Variants in MED13L observed in about 807,000 individuals in gnomAD.
The protein encoded by MED13L is mediator complex subunit 13L, also known as mediator of RNA polymerase II transcription subunit 13-like.
MED13L carries 7 observed loss-of-function variants against 220.9 expected under a neutral mutation model. The ratio of observed to expected loss-of-function variants is 0.03; its 90% CI spans 0.02 to 0.06. MED13L has a LOEUF of 0.06. MED13L is among the 10% of genes least tolerant of loss of function. MED13L has a pLI of 1.00. For synonymous variants in MED13L, 1,011 were observed against 1,015.2 expected (o/e 1.00, Z 0.08); for missense variants, 1,965 against 2,760.5 (o/e 0.71, Z 6.46).
intron 1 of MED13L, among the ~76,000 whole-genome samples, chr12:116,256,810 A>G (rs2138540308): frequency 6.8e-6 from 1 of 146,420 alleles, no homozygotes; most frequent in East Asian, 2.1e-4. Flanking sequence ...CTCAGCCTCC[A>G]GAGTAGCTGG....
At chr12:116,275,292 G>A (rs1035450601) in intron 1 of MED13L, among the ~76,000 whole-genome samples, 1 of 152,078 alleles carries the variant, frequency 6.6e-6, no homozygotes, top group Non-Finnish European at 1.5e-5. Context: ...TGAGGCAAAA[G>A]GGGGTTTTAC....
At chr12:116,128,508 T>C (rs1434267826) in intron 2 of MED13L, among the ~76,000 whole-genome samples, 1 of 151,994 alleles carries the variant, frequency 6.6e-6, no homozygotes, top group African/African-American at 2.4e-5. Flanking sequence ...AAGTAGTTAC[T>C]GTCATGAAGT....
intron 4 of MED13L, among the ~76,000 whole-genome samples, chr12:116,052,057 T>A: frequency 6.7e-6 from 1 of 148,402 alleles, no homozygotes; most frequent in Non-Finnish European, 1.5e-5. Context: ...TTAATGTTTA[T>A]TATGTACTTA....
chr12:115,987,179 C>G lies in MED13L; in HGVS notation c.4044G>C (p.Glu1348Asp). Residue 1348 changes from glutamate (E) to aspartate (D), a missense_variant, in exon 18 of 31, where the codon GAG becomes GAC. Physicochemically the swap from Glu to Asp is conservative, Grantham distance 45 (BLOSUM62 2). This residue lies in a region of MED13L where 21 missense variants were observed against 73.9 expected (regional missense o/e 0.28). Transcript: ENST00000281928. The stretch of plus-strand genomic sequence containing the variant: ...GTGGTCCCTGCACATGCTGGATGTT[C>G]TCCCAGGTCCTGCCCGTGCGCTTCT... ...IQKKRTGRTW[E>D]NIQHVQGPLT... The G allele has an allele frequency of 6.2e-7, 1 of 1,614,178 alleles. No homozygotes were observed. Among genetic ancestry groups the G allele is most frequent in the Non-Finnish European group, 8.5e-7 (1 of 1,180,026 alleles).
chr12:116,198,893 T>G (rs1881823907), intron 2 of MED13L, among the ~76,000 whole-genome samples: 4 of 152,176 alleles, frequency 2.6e-5, no homozygotes. Flanking sequence ...CTAAGGAACC[T>G]AAGTCATTAA....
chr12:116,132,279 C>CAAA (rs1005783459), intron 2 of MED13L, among the ~76,000 whole-genome samples: 12 of 77,378 alleles, frequency 1.6e-4, no homozygotes, highest in South Asian at 4.1e-4. Flanking sequence ...TACTTCGTCT[C>CAAA]AAAAAAAAAA....
intron 4 of MED13L, among the ~76,000 whole-genome samples, chr12:116,095,891 C>T (rs534929732): frequency 6.6e-6 from 1 of 152,110 alleles, no homozygotes; most frequent in African/African-American, 2.4e-5. Context: ...TTTAAACACA[C>T]ACATATGATG....
chr12:116,037,984 A>C (rs768601268), intron 4 of MED13L, among the ~76,000 whole-genome samples: 15 of 152,214 alleles, frequency 9.9e-5, no homozygotes, highest in Non-Finnish European at 1.6e-4. Context: ...TATGAAAGTC[A>C]TCTTACTAAA....
At chr12:116,080,877 A>G (rs1171503609) in intron 4 of MED13L, among the ~76,000 whole-genome samples, 1 of 152,210 alleles carries the variant, frequency 6.6e-6, no homozygotes, top group Non-Finnish European at 1.5e-5. Flanking sequence ...GTACATAAAT[A>G]CTTATTATTT....
At chr12:116,076,687 C>A (rs1351316285) in intron 4 of MED13L, among the ~76,000 whole-genome samples, 2 of 152,180 alleles carry the variant, frequency 1.3e-5, no homozygotes, top group African/African-American at 4.8e-5. Context: ...CAAGTCTGAA[C>A]TAAGCCCTCA....
chr12:116,065,455 A>G lies in MED13L; in HGVS notation c.479+31214T>C, dbSNP rs7962782. Among the ~76,000 whole-genome samples, 1,064 of 152,334 alleles carry G rather than the reference A, an allele frequency of 7.0e-3. 14 individuals are homozygous for G. Among genetic ancestry groups the G allele is most frequent in the African/African-American group, 0.024 (999 of 41,564 alleles). Reference sequence around the variant, plus strand: ...CATAGTGTCATATTGATTTTTTACAATATGATCTGAAGATAATTTGAAGAA... The same window carrying G: ...CATAGTGTCATATTGATTTTTTACAGTATGATCTGAAGATAATTTGAAGAA... On this transcript the variant is annotated intron_variant, in intron 4 of 30. Transcript: ENST00000281928.
intron 2 of MED13L, among the ~76,000 whole-genome samples, chr12:116,132,752 T>G (rs1876185798): frequency 6.6e-6 from 1 of 152,052 alleles, no homozygotes; most frequent in Non-Finnish European, 1.5e-5. Flanking sequence ...AAACCCTGTC[T>G]CTACTAAAAA....
chr12:116,074,104 T>C (rs1183455257), intron 4 of MED13L, among the ~76,000 whole-genome samples: 1 of 152,228 alleles, frequency 6.6e-6, no homozygotes, highest in Non-Finnish European at 1.5e-5. Context: ...ACATTAAAAC[T>C]TGAAGTCTGG....
intron 14 of MED13L, among the ~76,000 whole-genome samples, chr12:116,000,338 C>G (rs998883098): frequency 6.6e-5 from 10 of 152,190 alleles, no homozygotes. Context: ...AGGGTGGAAA[C>G]AGCCACCAGG....
At chr12:116,157,853 G>C (rs917698464) in intron 2 of MED13L, among the ~76,000 whole-genome samples, 2 of 152,146 alleles carry the variant, frequency 1.3e-5, no homozygotes, top group Non-Finnish European at 2.9e-5. Context: ...TATCAATACT[G>C]AGCCCTTAGT....
chr12:116,019,100 A>C (rs1313385749), intron 7 of MED13L, 124 bp downstream of exon 7: 1 of 906,090 alleles, frequency 1.1e-6, no homozygotes, highest in African/African-American at 1.7e-5. Flanking sequence ...TAATATCCTT[A>C]CGTTACTCTA....
chr12:116,212,986 T>TA (rs1194101929), intron 2 of MED13L, among the ~76,000 whole-genome samples: 4 of 152,026 alleles, frequency 2.6e-5, no homozygotes, highest in African/African-American at 9.7e-5. Context: ...ATGGCTAGCC[T>TA]AAAAAGAAAA....
intron 1 of MED13L, among the ~76,000 whole-genome samples, chr12:116,258,574 C>T (rs1406442271): frequency 1.3e-5 from 2 of 151,854 alleles, no homozygotes; most frequent in African/African-American, 2.4e-5. Context: ...GTCAGGAGTT[C>T]GAGACCAGCC....
At chr12:116,094,115 T>C (rs1872470926) in intron 4 of MED13L, among the ~76,000 whole-genome samples, 1 of 152,158 alleles carries the variant, frequency 6.6e-6, no homozygotes, top group Non-Finnish European at 1.5e-5. Context: ...TTTAAAACTG[T>C]CCAACTCAGG....
Sources: allele counts gnomAD v4.1 joint callset (sites outside exome capture counted in the v4.1 genomes callset), GRCh38; gene constraint gnomAD v4.1.1; regional missense constraint gnomAD v4.1.1; transcripts MANE v1.5; gene names NCBI Gene and HGNC (gene_info 2026-07-23, HGNC 2026-07-21).